CORO2B: variants seen among roughly 807,000 people sequenced by gnomAD.
CORO2B encodes coronin-2B.
CORO2B carries 26 observed loss-of-function variants against 58.8 expected under a neutral mutation model. The observed-to-expected ratio is 0.44, with a 90% CI of 0.32 to 0.61. The LOEUF is 0.61. CORO2B is among the 20% of genes least tolerant of loss of function. The pLI is 0.04. For synonymous variants in CORO2B, 242 were observed against 253.8 expected, an observed-to-expected ratio of 0.95 and a Z score of 0.44; for missense variants, 460 against 645.1, an observed-to-expected ratio of 0.71 and a Z score of 3.11.
intron 1 of CORO2B, among the ~76,000 whole-genome samples, chr15:68,601,414 C>T (rs1358918725): frequency 6.6e-6 from 1 of 152,180 alleles, no homozygotes; most frequent in Non-Finnish European, 1.5e-5. Flanking sequence ...TCGGTAGGCA[C>T]CGAGGATAAA....
intron 2 of CORO2B, among the ~76,000 whole-genome samples, chr15:68,690,283 C>T (rs1466818938): frequency 6.6e-6 from 1 of 152,214 alleles, no homozygotes; most frequent in East Asian, 1.9e-4. Context: ...CTACAGCCCA[C>T]CACTGCCTAG....
chr15:68,594,283 G>T (rs1389559335), intron 1 of CORO2B, among the ~76,000 whole-genome samples: 1 of 152,216 alleles, frequency 6.6e-6, no homozygotes, highest in African/African-American at 2.4e-5. Flanking sequence ...TGGTCCAGGG[G>T]CAGCAGTGAC....
the CORO2B span, among the ~76,000 whole-genome samples, chr15:68,553,916 A>T: frequency 6.6e-6 from 1 of 152,236 alleles, no homozygotes; most frequent in Non-Finnish European, 1.5e-5. Flanking sequence ...ATTGAAGGTT[A>T]TGAGCAGGGG....
At chr15:68,711,448 C>A (rs1199891358) in intron 4 of CORO2B, 94 bp from the exon 5 acceptor site, 6 of 1,106,870 alleles carry the variant, frequency 5.4e-6, no homozygotes, top group Non-Finnish European at 6.4e-6. Flanking sequence ...CTGCATGGGG[C>A]GCTTCTCCCA....
intron 1 of CORO2B, among the ~76,000 whole-genome samples, chr15:68,606,537 G>A (rs754326115): frequency 8.5e-5 from 13 of 152,162 alleles, no homozygotes; most frequent in Non-Finnish European, 1.6e-4. Context: ...TTGGTCAGGC[G>A]CTTTCCTTAA....
chr15:68,566,950 C>T, the CORO2B span, among the ~76,000 whole-genome samples: 1 of 152,200 alleles, frequency 6.6e-6, no homozygotes, highest in Non-Finnish European at 1.5e-5. Flanking sequence ...GCAGCGTGTC[C>T]AATAAATGAC....
chr15:68,708,984 A>C (rs1170935658), intron 3 of CORO2B, among the ~76,000 whole-genome samples: 2 of 152,174 alleles, frequency 1.3e-5, no homozygotes, highest in Admixed American at 6.5e-5. Context: ...CCTGGACTTG[A>C]CTTTCTTTAA....
chr15:68,693,808 A>G (rs1353552236), intron 2 of CORO2B, among the ~76,000 whole-genome samples: 1 of 142,088 alleles, frequency 7.0e-6, no homozygotes, highest in African/African-American at 2.6e-5. Context: ...ACAAACTGCA[A>G]ATCAGATCTG....
chr15:68,560,297 T>C, the CORO2B span, among the ~76,000 whole-genome samples: 3 of 106,776 alleles, frequency 2.8e-5, no homozygotes, highest in African/African-American at 8.7e-5. Flanking sequence ...TCTTTCTTTA[T>C]TTTTTTTTTT....
chr15:68,605,673 C>T (rs1900092973), intron 1 of CORO2B, among the ~76,000 whole-genome samples: 1 of 147,272 alleles, frequency 6.8e-6, no homozygotes. Context: ...TGGACAGGAC[C>T]TAGAAGTGGG....
At chr15:68,538,122 G>A in the CORO2B span, among the ~76,000 whole-genome samples, 3 of 151,994 alleles carry the variant, frequency 2.0e-5, no homozygotes, top group Non-Finnish European at 4.4e-5. Context: ...GTAATTGATC[G>A]GATCTCCTTC....
intron 3 of CORO2B, among the ~76,000 whole-genome samples, chr15:68,704,093 A>G (rs889958687): frequency 6.6e-6 from 1 of 150,896 alleles, no homozygotes; most frequent in Non-Finnish European, 1.5e-5. Flanking sequence ...TACAAATATT[A>G]GCTGGTCATG....
chr15:68,565,197 T>C, the CORO2B span, among the ~76,000 whole-genome samples: 1 of 152,172 alleles, frequency 6.6e-6, no homozygotes, highest in Non-Finnish European at 1.5e-5. Context: ...CAAGCTGTAA[T>C]GTTTTTAATT....
At chr15:68,642,311 G>A (rs1379521578) in intron 1 of CORO2B, among the ~76,000 whole-genome samples, 5 of 152,132 alleles carry the variant, frequency 3.3e-5, no homozygotes, top group African/African-American at 9.7e-5. Context: ...CTTCCAGTCC[G>A]GTTCTTGTGA....
chr15:68,586,758 G>A (rs184413710), intron 1 of CORO2B, among the ~76,000 whole-genome samples: 48 of 152,134 alleles, frequency 3.2e-4, no homozygotes, highest in Middle Eastern at 3.4e-3. Context: ...CCTGACCCTG[G>A]CTGCTTCTAA....
At chr15:68,624,192 A>G (rs1364257248) in intron 1 of CORO2B, among the ~76,000 whole-genome samples, 1 of 152,166 alleles carries the variant, frequency 6.6e-6, no homozygotes, top group African/African-American at 2.4e-5. Context: ...AACTAGAGGC[A>G]CCACTCTACC....
At chr15:68,641,583 A>T in intron 1 of CORO2B, 1 of 985,376 alleles carries the variant, frequency 1.0e-6, no homozygotes, top group Non-Finnish European at 1.2e-6. Flanking sequence ...CACCTGGGGA[A>T]CCTGGGGTAA....
chr15:68,646,481 G>A (rs1027196016), intron 2 of CORO2B, among the ~76,000 whole-genome samples: 12 of 152,178 alleles, frequency 7.9e-5, no homozygotes, highest in African/African-American at 1.9e-4. Flanking sequence ...TACCCACAGT[G>A]GGGGAGCACA....
the CORO2B span, among the ~76,000 whole-genome samples, chr15:68,519,809 C>G: frequency 2.6e-5 from 4 of 152,194 alleles, no homozygotes; most frequent in Non-Finnish European, 5.9e-5. Context: ...GAAGTTCAGG[C>G]TATACATAGC....
Sources: gnomAD v4.1 joint callset for allele counts (sites outside exome capture counted in the v4.1 genomes callset) on GRCh38, gnomAD v4.1.1 for gene constraint, MANE v1.5 for transcripts, NCBI Gene and HGNC (gene_info 2026-07-23, HGNC 2026-07-21) for gene names.